The following NIPAL2 variants were observed in gnomAD, a reference collection of about 807,000 sequenced individuals.
The protein encoded by NIPAL2 is NIPA-like protein 2.
NIPAL2 carries 43 observed loss-of-function variants against 48.9 expected under a neutral mutation model. The ratio of observed to expected loss-of-function variants is 0.88; its 90% CI spans 0.69 to 1.13. The LOEUF (loss-of-function observed/expected upper bound fraction) is 1.13. Among genes scored for constraint, NIPAL2 ranks in the 50% most tolerant of loss-of-function variants. NIPAL2 has a pLI of 0.00. For missense variants in NIPAL2, 446 were observed against 461.4 expected, an observed-to-expected ratio of 0.97 and a Z score of 0.31; for synonymous variants, 167 against 174.6, an observed-to-expected ratio of 0.96 and a Z score of 0.34.
intron 8 of NIPAL2, among the ~76,000 whole-genome samples, chr8:98,201,260 CA>C (rs1410253887): frequency 2.6e-5 from 4 of 152,176 alleles, no homozygotes; most frequent in Non-Finnish European, 4.4e-5. Flanking sequence ...TCACCAATAA[CA>C]TCAGAGGGAC....
chr8:98,287,989 C>A (rs897560005), intron 1 of NIPAL2, among the ~76,000 whole-genome samples: 2 of 152,102 alleles, frequency 1.3e-5, no homozygotes, highest in African/African-American at 4.8e-5. Flanking sequence ...GTGAAGCATG[C>A]AAGTTGAATA....
At chr8:98,249,334 G>C (rs1349848364) in intron 3 of NIPAL2, among the ~76,000 whole-genome samples, 2 of 152,094 alleles carry the variant, frequency 1.3e-5, no homozygotes, top group Non-Finnish European at 2.9e-5. Context: ...GGAACAGCAG[G>C]ACACACAGAG....
At chr8:98,233,016 T>C (rs957705730) in intron 4 of NIPAL2, among the ~76,000 whole-genome samples, 1 of 152,120 alleles carries the variant, frequency 6.6e-6, no homozygotes, top group African/African-American at 2.4e-5. Context: ...TCCCAGCACT[T>C]TGGGAGGCAG....
chr8:98,225,979 A>G (rs115331894), intron 4 of NIPAL2, among the ~76,000 whole-genome samples: 1,641 of 151,658 alleles, frequency 0.011, 26 homozygotes, highest in African/African-American at 0.037. Context: ...CTTCTGCTTG[A>G]TCATTTCTGC....
intron 5 of NIPAL2, among the ~76,000 whole-genome samples, chr8:98,218,798 C>G (rs1361067223): frequency 6.6e-6 from 1 of 151,962 alleles, no homozygotes; most frequent in Non-Finnish European, 1.5e-5. Flanking sequence ...GGTTGTGGGT[C>G]AAAGGAGGTA....
rs139809173 is a variant in NIPAL2, at chr8:98,277,315, G to A, written c.135+16688C>T. Among the ~76,000 whole-genome samples the A allele has an allele frequency of 9.7e-3, 1,478 of 152,136 alleles. 17 individuals are homozygous for A. Among genetic ancestry groups the A allele is most frequent in the African/African-American group, 0.033 (1,374 of 41,498 alleles). ...AGGCTGTGGTGGGTGGATCACTTGA[G>A]GTCAGGAGTTCCAGACCAGCCTGGC... On this transcript the variant is annotated intron_variant, in intron 1 of 10. Coordinates refer to ENST00000430223, the MANE Select transcript of NIPAL2 (RefSeq NM_001321635.2).
At chr8:98,206,715 G>A (rs1811057278) in intron 6 of NIPAL2, among the ~76,000 whole-genome samples, 1 of 150,566 alleles carries the variant, frequency 6.6e-6, no homozygotes, top group African/African-American at 2.5e-5. Flanking sequence ...GTGAACCCAG[G>A]AGGCGGAGTT....
At chr8:98,286,443 C>G (rs968031896) in intron 1 of NIPAL2, among the ~76,000 whole-genome samples, 1 of 152,098 alleles carries the variant, frequency 6.6e-6, no homozygotes, top group Non-Finnish European at 1.5e-5. Flanking sequence ...GAGCTCATAA[C>G]TAAATATATG....
Position 98,191,566 on chromosome 8 carries a change from A to G in NIPAL2, c.*1412T>C, listed in dbSNP as rs1810306486. 6.6e-6 allele frequency: 1 copy of G among 152,306 alleles called. No individual in the cohort carries two copies. Among genetic ancestry groups the G allele is most frequent in the East Asian group, 1.9e-4 (1 of 5,186 alleles). The allele number at this position is 152,306 out of a possible 1,614,324, so 9.4% of individuals were successfully genotyped here. ...CTGAGCCATTAAGGTTACAGTCTCA[A>G]TACCACCGAGTTAAACAACCTATTT... On this transcript the variant is annotated 3_prime_UTR_variant, in exon 11 of 11. Coordinates refer to ENST00000430223, the MANE Select transcript of NIPAL2 (RefSeq NM_001321635.2).
intron 1 of NIPAL2, among the ~76,000 whole-genome samples, chr8:98,260,663 G>T (rs530572447): frequency 6.6e-6 from 1 of 152,346 alleles, no homozygotes; most frequent in African/African-American, 2.4e-5. Context: ...TAGCACAGCA[G>T]TCTGAGATCA....
chr8:98,220,964 CTTTTTTTTTTTTTT>C (rs557824737), intron 5 of NIPAL2, among the ~76,000 whole-genome samples: 5,829 of 69,114 alleles, frequency 0.084, 226 homozygotes, highest in Middle Eastern at 0.19. Flanking sequence ...TCATTTCATT[CTTTTTTTTTTTTTT>C]TTTTTTTTTT....
At chr8:98,222,454 A>T in intron 5 of NIPAL2, 25 bp downstream of exon 5, 1 of 1,609,762 alleles carries the variant, frequency 6.2e-7, no homozygotes, top group Non-Finnish European at 8.5e-7. Flanking sequence ...AGCTTCGGGG[A>T]TAGTAAAATA....
At chr8:98,216,702 T>G (rs1811593777) in intron 5 of NIPAL2, among the ~76,000 whole-genome samples, 1 of 152,234 alleles carries the variant, frequency 6.6e-6, no homozygotes, top group African/African-American at 2.4e-5. Context: ...CAGATTATTT[T>G]GTGAAGGATT....
intron 1 of NIPAL2, among the ~76,000 whole-genome samples, chr8:98,273,552 A>G (rs1815265574): frequency 6.6e-6 from 1 of 152,188 alleles, no homozygotes; most frequent in Non-Finnish European, 1.5e-5. Context: ...TACTGAAAAT[A>G]GAATACTTTA....
chr8:98,222,438 T>C, intron 5 of NIPAL2, 41 bp downstream of exon 5: 1 of 1,603,370 alleles, frequency 6.2e-7, no homozygotes, highest in Non-Finnish European at 8.5e-7. Context: ...GTGGTCTGGA[T>C]AATATAGCTT....
chr8:98,278,261 T>G (rs938942744), intron 1 of NIPAL2, among the ~76,000 whole-genome samples: 2 of 152,176 alleles, frequency 1.3e-5, no homozygotes, highest in African/African-American at 4.8e-5. Flanking sequence ...TTTTGCAATT[T>G]TACTACAGTT....
chr8:98,284,251 T>G (rs1816022534), intron 1 of NIPAL2, among the ~76,000 whole-genome samples: 1 of 152,158 alleles, frequency 6.6e-6, no homozygotes, highest in South Asian at 2.1e-4. Flanking sequence ...TATCACAATG[T>G]TTCCTCTTCT....
intron 1 of NIPAL2, among the ~76,000 whole-genome samples, chr8:98,262,392 T>A (rs1300849602): frequency 6.0e-4 from 89 of 147,864 alleles, no homozygotes; most frequent in Non-Finnish European, 9.8e-4. Flanking sequence ...CCATCTCACG[T>A]GCAGAGACAC....
rs575795005 is a variant in NIPAL2, at chr8:98,255,543, A to C, written c.136-1456T>G. ...TATAGCATGAAATTTAGTATTTAGAAATGAAATTTAGTATTTTTTAAATGA... is the reference window on the plus strand; with the variant it reads ...TATAGCATGAAATTTAGTATTTAGACATGAAATTTAGTATTTTTTAAATGA... On this transcript the variant is annotated intron_variant, in intron 1 of 10. Coordinates refer to ENST00000430223, the MANE Select transcript of NIPAL2 (RefSeq NM_001321635.2). Among the ~76,000 whole-genome samples, 43 of 152,338 alleles carry C rather than the reference A, an allele frequency of 2.8e-4. 1 individual carries two copies. The South Asian group carries it at 8.9e-3, about 32-fold the overall frequency.
Sources: allele counts gnomAD v4.1 joint callset (sites outside exome capture counted in the v4.1 genomes callset), GRCh38; gene constraint gnomAD v4.1.1; transcripts MANE v1.5; gene names NCBI Gene and HGNC (gene_info 2026-07-23, HGNC 2026-07-21).